Variants in NUBPL observed in about 807,000 individuals in gnomAD.
NUBPL encodes NUBP iron-sulfur cluster assembly factor, mitochondrial, also known as iron-sulfur cluster transfer protein NUBPL.
NUBPL carries 31 observed loss-of-function variants against 45.7 expected under a neutral mutation model. The observed-to-expected ratio is 0.68, with a 90% CI of 0.51 to 0.92. The LOEUF is 0.92. Among genes scored for constraint, NUBPL ranks in the 40% least tolerant of loss-of-function variants. The pLI, the probability that NUBPL is intolerant of heterozygous loss-of-function variation, is 0.00. For missense variants in NUBPL, 401 were observed against 398.7 expected, an observed-to-expected ratio of 1.01 and a Z score of -0.05; for synonymous variants, 144 against 140.9, an observed-to-expected ratio of 1.02 and a Z score of -0.15.
chr14:31,764,665 A>G (rs1464765205), intron 6 of NUBPL, among the ~76,000 whole-genome samples: 1 of 152,240 alleles, frequency 6.6e-6, no homozygotes, highest in Non-Finnish European at 1.5e-5. Context: ...TCTAGATATA[A>G]TGACCAATGT....
intron 6 of NUBPL, among the ~76,000 whole-genome samples, chr14:31,768,638 C>G (rs1166003133): frequency 6.6e-6 from 1 of 152,134 alleles, no homozygotes; most frequent in Non-Finnish European, 1.5e-5. Flanking sequence ...GAGCTCTTTA[C>G]CTGAATCTCC....
intron 6 of NUBPL, among the ~76,000 whole-genome samples, chr14:31,690,401 T>G (rs2037065531): frequency 6.6e-6 from 1 of 152,186 alleles, no homozygotes; most frequent in African/African-American, 2.4e-5. Flanking sequence ...TTCAAAATTC[T>G]TTCGATATTG....
At chr14:31,737,261 G>T (rs1185789287) in intron 6 of NUBPL, among the ~76,000 whole-genome samples, 1 of 152,110 alleles carries the variant, frequency 6.6e-6, no homozygotes, top group Admixed American at 6.6e-5. Flanking sequence ...AAGCTTGATT[G>T]TGTCAGCTTT....
intron 6 of NUBPL, among the ~76,000 whole-genome samples, chr14:31,724,659 C>T (rs973776158): frequency 1.3e-5 from 2 of 152,194 alleles, no homozygotes; most frequent in African/African-American, 4.8e-5. Flanking sequence ...ATTTTGCTCA[C>T]TAATTGACAA....
chr14:31,672,229 A>G lies in NUBPL; in HGVS notation c.383-1126A>G, dbSNP rs570363444. Among the ~76,000 whole-genome samples the G allele has an allele frequency of 9.9e-5, 15 of 152,068 alleles. No individual in the cohort carries two copies. The East Asian group carries it at 2.7e-3, about 27-fold the overall frequency. On this transcript the variant is annotated intron_variant, in intron 4 of 10. Coordinates refer to ENST00000281081, the MANE Select transcript of NUBPL (RefSeq NM_025152.3). ...TATACTTTTTAAGCTAAGTAAAGGAACAAATAAGTAGTAACACTCCAGTGT... is the reference window on the plus strand; with the variant it reads ...TATACTTTTTAAGCTAAGTAAAGGAGCAAATAAGTAGTAACACTCCAGTGT...
intron 7 of NUBPL, among the ~76,000 whole-genome samples, chr14:31,791,840 A>T (rs1437385946): frequency 6.6e-6 from 1 of 152,212 alleles, no homozygotes; most frequent in Non-Finnish European, 1.5e-5. Flanking sequence ...TTGTTCTTTA[A>T]TAATTTAATC....
At chr14:31,561,996 T>C in intron 1 of NUBPL, 72 bp from the exon 2 acceptor site, 6 of 1,472,712 alleles carry the variant, frequency 4.1e-6, no homozygotes, top group Non-Finnish European at 5.6e-6. Context: ...CCCCAGATTG[T>C]TTTTGCTTTT....
chr14:31,857,305 G>T (rs958967530), intron 10 of NUBPL, among the ~76,000 whole-genome samples: 2 of 152,118 alleles, frequency 1.3e-5, no homozygotes, highest in African/African-American at 4.8e-5. Context: ...CACAACACGG[G>T]GACTCTGGGC....
Position 31,640,993 on chromosome 14 carries a change from C to G in NUBPL, c.383-32362C>G, listed in dbSNP as rs536190562. 3.6e-4 allele frequency among the ~76,000 whole-genome samples: 54 copies of G among 152,086 alleles called. No individual in the cohort carries two copies. The East Asian group carries it at 8.9e-3, about 25-fold the overall frequency. ...TTTGAGACAGAGTCCCACTCTGTCA[C>G]CAGGCTGGAGTGCAGTGACACGATC... On this transcript the variant is annotated intron_variant, in intron 4 of 10. Coordinates refer to ENST00000281081, the MANE Select transcript of NUBPL (RefSeq NM_025152.3).
At chr14:31,634,933 GTTGT>G (rs879664219) in intron 4 of NUBPL, among the ~76,000 whole-genome samples, 19,316 of 145,728 alleles carry the variant, frequency 0.13, 3,774 homozygotes, top group African/African-American at 0.46. Flanking sequence ...TTTTGATGGG[GTTGT>G]TTGTTTTTTT....
At chr14:31,688,591 A>G (rs2037012657) in intron 6 of NUBPL, among the ~76,000 whole-genome samples, 1 of 139,612 alleles carries the variant, frequency 7.2e-6, no homozygotes. Context: ...AAGAAAAAAA[A>G]GAAAAAAAAA....
intron 4 of NUBPL, among the ~76,000 whole-genome samples, chr14:31,664,415 A>G (rs2036353759): frequency 6.6e-6 from 1 of 152,128 alleles, no homozygotes; most frequent in Non-Finnish European, 1.5e-5. Flanking sequence ...TTCCATCAAT[A>G]CCTAGTTTAT....
chr14:31,768,811 C>CTTT (rs1192529022), intron 6 of NUBPL, among the ~76,000 whole-genome samples: 3 of 152,156 alleles, frequency 2.0e-5, no homozygotes, highest in African/African-American at 7.2e-5. Flanking sequence ...CATCCTGGTA[C>CTTT]CAAGCATTGC....
At chr14:31,841,560 C>T (rs2040369194) in intron 8 of NUBPL, among the ~76,000 whole-genome samples, 1 of 151,746 alleles carries the variant, frequency 6.6e-6, no homozygotes, top group Non-Finnish European at 1.5e-5. Context: ...TTGTATATAC[C>T]ATCTCCCACT....
At chr14:31,715,548 G>C (rs1017120243) in intron 6 of NUBPL, among the ~76,000 whole-genome samples, 1 of 152,180 alleles carries the variant, frequency 6.6e-6, no homozygotes, top group African/African-American at 2.4e-5. Context: ...GAATACTATA[G>C]GGAATTGTAA....
chr14:31,702,149 G>T (rs916463950), intron 6 of NUBPL, among the ~76,000 whole-genome samples: 3 of 152,222 alleles, frequency 2.0e-5, no homozygotes, highest in African/African-American at 4.8e-5. Flanking sequence ...AAGGGAAGAA[G>T]TGCATAAGGT....
intron 6 of NUBPL, among the ~76,000 whole-genome samples, chr14:31,739,232 AT>A (rs1162005931): frequency 1.7e-5 from 2 of 120,468 alleles, no homozygotes; most frequent in East Asian, 2.5e-4. Context: ...ATATATATAT[AT>A]TATATTCTAT....
At chr14:31,578,110 A>G (rs1264287217) in intron 3 of NUBPL, 1 of 562,394 alleles carries the variant, frequency 1.8e-6, no homozygotes, top group Non-Finnish European at 3.1e-6. Context: ...TGTCCATAAT[A>G]TTACCAAGGA....
Position 31,586,917 on chromosome 14 carries a change from T to G in NUBPL, c.292-12372T>G, listed in dbSNP as rs138904767. Among the ~76,000 whole-genome samples, 145 of 152,308 alleles carry G rather than the reference T, an allele frequency of 9.5e-4. 4 individuals are homozygous for G. In the East Asian group the frequency reaches 0.026, roughly 27 times the overall value. Reference sequence around the variant, plus strand: ...CCAAAATGAATTTTGCAATCTAAAATTGAATTGGGTCCTTACTCTATTAAT... The same window carrying G: ...CCAAAATGAATTTTGCAATCTAAAAGTGAATTGGGTCCTTACTCTATTAAT... On this transcript the variant is annotated intron_variant, in intron 3 of 10. Transcript: ENST00000281081.
Sources: allele counts gnomAD v4.1 joint callset (sites outside exome capture counted in the v4.1 genomes callset), GRCh38; gene constraint gnomAD v4.1.1; transcripts MANE v1.5; gene names NCBI Gene and HGNC (gene_info 2026-07-23, HGNC 2026-07-21).